Variants in MGME1 observed in about 807,000 individuals in gnomAD.
The protein encoded by MGME1 is chromosome 20 open reading frame 72.
In MGME1, 22 loss-of-function variants were observed where a neutral mutation model predicts 33.0. The ratio of observed to expected loss-of-function variants is 0.67; its 90% CI spans 0.48 to 0.95. The LOEUF is 0.95. MGME1 is among the 40% of genes least tolerant of loss of function. The probability of loss-of-function intolerance (pLI) is 0.00; values close to 1 mark genes in which losing one functional copy is unlikely to be tolerated. For synonymous variants in MGME1, 133 were observed against 144.0 expected, an observed-to-expected ratio of 0.92 and a Z score of 0.55; for missense variants, 383 against 397.8, an observed-to-expected ratio of 0.96 and a Z score of 0.32.
rs1356703578 is a variant in MGME1, at chr20:17,983,707, G to C, written c.732-4459G>C. ...TTTCACTAATGATTAGAGATATTGA[G>C]CATATTTTCATCTATCTGTTGGTCA... is the stretch of plus-strand genomic sequence containing the variant. On this transcript the variant is annotated intron_variant, in intron 3 of 4. Coordinates refer to ENST00000377710, the MANE Select transcript of MGME1 (RefSeq NM_052865.4). 2.0e-5 allele frequency among the ~76,000 whole-genome samples: 3 copies of C among 152,154 alleles called. No homozygotes were observed. In the East Asian group the frequency reaches 5.8e-4, roughly 29 times the overall value.
chr20:17,969,800 G>A lies in MGME1; in HGVS notation c.-59-1G>A. ...TTTGATGGTTGTTTTCTCTCCAATAGGAATACAAACATAAAGGCCTTCGAC... is the reference window on the plus strand; with the variant it reads ...TTTGATGGTTGTTTTCTCTCCAATAAGAATACAAACATAAAGGCCTTCGAC... On this transcript the variant is annotated splice_acceptor_variant, in intron 1 of 4. Transcript: ENST00000377710. LOFTEE classifies it low-confidence loss of function (5UTR_SPLICE). 3 of 1,488,824 alleles carry A rather than the reference G, an allele frequency of 2.0e-6. No individual in the cohort carries two copies. The highest frequency in any genetic ancestry group is 1.4e-5 in the African/African-American group (1 of 71,236). The allele number at this position is 1,488,824 out of a possible 1,614,324, so 92.2% of individuals were successfully genotyped here.
chr20:17,970,139 A>G lies in MGME1; in HGVS notation c.280A>G (p.Arg94Gly). ...TAAGCTGCCAAACCAAGGTGAGGAC[A>G]GACGAGTGCCACAAAACTGGTTTCC... ...KHKLPNQGED[R>G]RVPQNWFPIF... The change falls in exon 2 of 5, where the codon AGA becomes GGA. Residue 94 changes from arginine (R) to glycine (G), a missense_variant. Physicochemically the swap from Arg to Gly is moderately radical, Grantham distance 125. Transcript: ENST00000377710. The G allele has an allele frequency of 6.2e-6, 10 of 1,614,266 alleles. No individual in the cohort carries two copies. Among genetic ancestry groups the G allele is most frequent in the Non-Finnish European group, 8.5e-6 (10 of 1,180,046 alleles).
rs1555792153 is a variant in MGME1 at position 17,990,412 on chromosome 20, G to GTGT, written c.*303_*304insTGT. 1.7e-5 allele frequency: 5 copies of GTGT among 298,316 alleles called. 1 individual carries two copies. In the South Asian group the frequency reaches 2.3e-4, roughly 13 times the overall value. The allele number at this position is 298,316 out of a possible 1,614,324, so 18.5% of individuals were successfully genotyped here. Reference sequence around the variant, plus strand: ...TCTTGTACTCCCTTGAGGGACATTGGGGGGGGGGGGGCGTGGTCCCAGGCA... The same window carrying GTGT: ...TCTTGTACTCCCTTGAGGGACATTGGTGTGGGGGGGGGGGCGTGGTCCCAGGCA... On this transcript the variant is annotated 3_prime_UTR_variant, in exon 5 of 5. Coordinates refer to ENST00000377710, the MANE Select transcript of MGME1 (RefSeq NM_052865.4).
chr20:17,990,297 G>C lies in MGME1; in HGVS notation c.*188G>C. 1 of 614,516 alleles carries C rather than the reference G, an allele frequency of 1.6e-6. No homozygotes were observed. Among genetic ancestry groups the C allele is most frequent in the South Asian group, 2.0e-5 (1 of 49,064 alleles). 38.1% of individuals were successfully genotyped at this position (614,516 alleles called of 1,614,324 possible). On this transcript the variant is annotated 3_prime_UTR_variant, in exon 5 of 5. Transcript: ENST00000377710. ...AAAAGCCCCAAAGTCTAGATATAAA[G>C]ACCTAGACTTCGGCACGCGAAATCC... is the stretch of plus-strand genomic sequence containing the variant.
chr20:17,977,221 C>T (rs758081329), intron 3 of MGME1, among the ~76,000 whole-genome samples: 1 of 151,726 alleles, frequency 6.6e-6, no homozygotes, highest in African/African-American at 2.4e-5. Flanking sequence ...ACTAAAAATA[C>T]AAAAATTAGC....
intron 2 of MGME1, among the ~76,000 whole-genome samples, chr20:17,973,333 T>A (rs1339487934): frequency 6.6e-6 from 1 of 151,552 alleles, no homozygotes; most frequent in Non-Finnish European, 1.5e-5. Flanking sequence ...AAAAAAAGAA[T>A]TGACATTTCC....
intron 4 of MGME1, among the ~76,000 whole-genome samples, chr20:17,989,023 A>G (rs1189933181): frequency 1.3e-5 from 2 of 152,102 alleles, no homozygotes; most frequent in Non-Finnish European, 2.9e-5. Context: ...CAGGAAGTGG[A>G]GGTTCCAGTG....
chr20:17,975,547 C>G lies in MGME1; in HGVS notation c.512-137C>G, dbSNP rs145465386. ...CTCCAGCCTGGGCGACAGAGGGAGACTCCATCCAAAAAAAAAAAAAAGAAA... is the reference window on the plus strand; with the variant it reads ...CTCCAGCCTGGGCGACAGAGGGAGAGTCCATCCAAAAAAAAAAAAAAGAAA... On this transcript the variant is annotated intron_variant, in intron 2 of 4. Coordinates refer to ENST00000377710, the MANE Select transcript of MGME1 (RefSeq NM_052865.4). The G allele has an allele frequency of 8.1e-3, 5,313 of 655,898 alleles. 194 individuals are homozygous for G. The African/African-American group carries it at 0.086, about 11-fold the overall frequency. 40.6% of individuals were successfully genotyped at this position (655,898 alleles called of 1,614,324 possible).
intron 3 of MGME1, 40 bp downstream of exon 3, chr20:17,975,943 C>T (rs1411410299): frequency 6.8e-7 from 1 of 1,476,358 alleles, no homozygotes; most frequent in Non-Finnish European, 9.5e-7. Flanking sequence ...CAGCGTAGGA[C>T]AGATGGTGCC....
At chr20:17,989,720 A>G (rs527276177) in intron 4 of MGME1, among the ~76,000 whole-genome samples, 2 of 149,600 alleles carry the variant, frequency 1.3e-5, no homozygotes, top group African/African-American at 2.4e-5. Context: ...TTTTTTTTCA[A>G]TGGCTCTGTA....
At chr20:17,988,641 C>T (rs1247295706) in intron 4 of MGME1, among the ~76,000 whole-genome samples, 1 of 122,490 alleles carries the variant, frequency 8.2e-6, no homozygotes, top group Non-Finnish European at 1.6e-5. Flanking sequence ...GACTCCATCT[C>T]GAATCTGTCT....
intron 2 of MGME1, among the ~76,000 whole-genome samples, 172 bp from the exon 3 acceptor site, chr20:17,975,512 G>A (rs903279009): frequency 4.8e-5 from 7 of 147,108 alleles, no homozygotes; most frequent in Admixed American, 6.9e-5. Flanking sequence ...AGCCAATATC[G>A]CCCACTACAC....
rs1421818922 is a variant in MGME1 at position 17,989,920 on chromosome 20, G to A, written c.865-19G>A. 1 of 1,610,320 alleles carries A rather than the reference G, an allele frequency of 6.2e-7. No homozygotes were observed. Among genetic ancestry groups the A allele is most frequent in the East Asian group, 2.2e-5 (1 of 44,824 alleles). ...GACCTACTGTAGTGAAACGAGAATT[G>A]CCCTGTGTTTCTTCCTAGGTTCAAT... On this transcript the variant is annotated intron_variant, in intron 4 of 4. Coordinates refer to ENST00000377710, the MANE Select transcript of MGME1 (RefSeq NM_052865.4).
At chr20:17,987,129 G>A (rs118159417) in intron 3 of MGME1, among the ~76,000 whole-genome samples, 13,942 of 147,126 alleles carry the variant, frequency 0.095, 842 homozygotes, top group Middle Eastern at 0.15. Context: ...GTGGTAAGCC[G>A]AGATTACACC....
chr20:17,987,965 A>C (rs943944556), intron 3 of MGME1, among the ~76,000 whole-genome samples: 1 of 152,136 alleles, frequency 6.6e-6, no homozygotes, highest in South Asian at 2.1e-4. Flanking sequence ...AGGTGGGAGG[A>C]TCACTTGAGC....
At chr20:17,987,472 A>G (rs987350246) in intron 3 of MGME1, among the ~76,000 whole-genome samples, 1 of 152,210 alleles carries the variant, frequency 6.6e-6, no homozygotes, top group Non-Finnish European at 1.5e-5. Flanking sequence ...AAAATATCCC[A>G]TTAATCATTT....
At chr20:17,987,156 AGT>A (rs140135397) in intron 3 of MGME1, among the ~76,000 whole-genome samples, 4,532 of 141,664 alleles carry the variant, frequency 0.032, 256 homozygotes, top group African/African-American at 0.11. Flanking sequence ...CTCCAGCCTG[AGT>A]GAGACTCCAT....
Position 17,990,420 on chromosome 20 carries a change from G to A in MGME1, c.*311G>A, listed in dbSNP as rs1162476391. 5 of 324,082 alleles carry A rather than the reference G, an allele frequency of 1.5e-5. No individual in the cohort carries two copies. The highest frequency in any genetic ancestry group is 1.4e-4 in the South Asian group (4 of 28,010). The allele number at this position is 324,082 out of a possible 1,614,324, so 20.1% of individuals were successfully genotyped here. A position where few individuals can be genotyped will look rare whatever the true frequency, so the allele number is the denominator to read the frequency against. Reference sequence around the variant, plus strand: ...TCCCTTGAGGGACATTGGGGGGGGGGGGGCGTGGTCCCAGGCAGGATGCCC... The same window carrying A: ...TCCCTTGAGGGACATTGGGGGGGGGAGGGCGTGGTCCCAGGCAGGATGCCC... On this transcript the variant is annotated 3_prime_UTR_variant, in exon 5 of 5. Coordinates refer to ENST00000377710, the MANE Select transcript of MGME1 (RefSeq NM_052865.4).
At chr20:17,989,253 G>T (rs552026925) in intron 4 of MGME1, among the ~76,000 whole-genome samples, 1 of 152,062 alleles carries the variant, frequency 6.6e-6, no homozygotes, top group East Asian at 1.9e-4. Flanking sequence ...GGGCGTGGTG[G>T]TGTGTGCCTC....
Sources: allele counts gnomAD v4.1 joint callset (sites outside exome capture counted in the v4.1 genomes callset), GRCh38; gene constraint gnomAD v4.1.1; transcripts MANE v1.5; gene names NCBI Gene and HGNC (gene_info 2026-07-23, HGNC 2026-07-21).